RBM6: variants seen among roughly 807,000 people sequenced by gnomAD.
RBM6 encodes RNA-binding protein 6.
RBM6 carries 23 observed loss-of-function variants against 140.4 expected under a neutral mutation model. That is an observed-to-expected ratio of 0.16 (90% CI 0.12 to 0.23). The LOEUF is 0.23. Among genes scored for constraint, RBM6 ranks in the 10% least tolerant of loss-of-function variants. The pLI, the probability that RBM6 is intolerant of heterozygous loss-of-function variation, is 1.00. For missense variants in RBM6, 1,139 were observed against 1,386.7 expected, an observed-to-expected ratio of 0.82 and a Z score of 2.84; for synonymous variants, 439 against 475.6, an observed-to-expected ratio of 0.92 and a Z score of 1.00.
chr3:49,982,848 G>A (rs1269729736), intron 5 of RBM6, among the ~76,000 whole-genome samples: 3 of 150,950 alleles, frequency 2.0e-5, no homozygotes, highest in Non-Finnish European at 4.4e-5. Flanking sequence ...CTAGTAGCTG[G>A]GATTACAGGC....
intron 1 of RBM6, among the ~76,000 whole-genome samples, chr3:49,950,473 A>G (rs965807335): frequency 1.3e-5 from 2 of 152,106 alleles, no homozygotes; most frequent in East Asian, 1.9e-4. Flanking sequence ...GTGAAAGGCA[A>G]GGCCAGGCGT....
chr3:50,044,785 A>G (rs892567778), intron 6 of RBM6, among the ~76,000 whole-genome samples: 2 of 152,176 alleles, frequency 1.3e-5, no homozygotes, highest in African/African-American at 4.8e-5. Context: ...TGTGTATGAT[A>G]GCAGCTGGGG....
chr3:50,019,045 T>A (rs75729494), intron 6 of RBM6, among the ~76,000 whole-genome samples: 12,413 of 151,882 alleles, frequency 0.082, 560 homozygotes, highest in African/African-American at 0.11. Flanking sequence ...TTATTTATTT[T>A]TTTTTTTTGA....
intron 2 of RBM6, among the ~76,000 whole-genome samples, chr3:49,965,328 G>T (rs1186288864): frequency 6.6e-6 from 1 of 152,208 alleles, no homozygotes; most frequent in Non-Finnish European, 1.5e-5. Flanking sequence ...GAGAGACACT[G>T]TATTTAGTGG....
At chr3:50,016,066 T>A (rs2087127904) in intron 6 of RBM6, among the ~76,000 whole-genome samples, 1 of 152,230 alleles carries the variant, frequency 6.6e-6, no homozygotes, top group Admixed American at 6.5e-5. Context: ...TTATACTCTT[T>A]GACTAACATT....
chr3:50,006,281 A>G (rs2108754042), intron 6 of RBM6, among the ~76,000 whole-genome samples: 1 of 151,750 alleles, frequency 6.6e-6, no homozygotes, highest in African/African-American at 2.4e-5. Context: ...GATTACAAGC[A>G]TGTGCCACCA....
chr3:49,989,903 C>T (rs371407106), intron 5 of RBM6, among the ~76,000 whole-genome samples: 3 of 152,050 alleles, frequency 2.0e-5, no homozygotes, highest in Admixed American at 6.6e-5. Context: ...CCCACCACCA[C>T]GCCTGGCTGA....
intron 1 of RBM6, among the ~76,000 whole-genome samples, chr3:49,957,911 A>G (rs1255921309): frequency 1.3e-5 from 2 of 149,592 alleles, no homozygotes; most frequent in African/African-American, 2.5e-5. Flanking sequence ...AGCTGACTGT[A>G]ACCTCTGCCT....
chr3:49,955,516 G>A (rs1286999716), intron 1 of RBM6, among the ~76,000 whole-genome samples: 1 of 151,858 alleles, frequency 6.6e-6, no homozygotes, highest in Non-Finnish European at 1.5e-5. Context: ...TCCTGCCTTA[G>A]ACTCCCGAGT....
intron 1 of RBM6, among the ~76,000 whole-genome samples, chr3:49,958,333 A>G (rs1337408721): frequency 1.3e-5 from 2 of 152,140 alleles, no homozygotes; most frequent in Non-Finnish European, 2.9e-5. Context: ...AGGTGGGTGG[A>G]TCACGAGGTC....
intron 6 of RBM6, among the ~76,000 whole-genome samples, chr3:50,036,662 C>T (rs2088555911): frequency 6.6e-6 from 1 of 152,158 alleles, no homozygotes; most frequent in Non-Finnish European, 1.5e-5. Context: ...TCATTTTTAT[C>T]AAGGGCTGAA....
In RBM6 at chr3:50,060,753, CAAAAAAAAAAA is replaced by C. The variant is rs35467618; in HGVS notation, c.2229-190_2229-180del. 20 of 124,870 alleles carry C rather than the reference CAAAAAAAAAAA, an allele frequency of 1.6e-4. No homozygotes were observed. In the South Asian group the frequency reaches 1.7e-3, roughly 11 times the overall value. 7.7% of individuals were successfully genotyped at this position (124,870 alleles called of 1,614,324 possible). On this transcript the variant is annotated intron_variant, in intron 11 of 20. Transcript: ENST00000266022. ...TGGGCGACAGAGCAAGACTCCGTCT[CAAAAAAAAAAA>C]AAAAAAAAAAAAGAGTCTTACTGCT...
intron 1 of RBM6, among the ~76,000 whole-genome samples, chr3:49,954,641 A>G (rs921258652): frequency 1.3e-5 from 2 of 151,894 alleles, no homozygotes; most frequent in African/African-American, 4.8e-5. Context: ...TCAGTGCCAC[A>G]CTGTCTTGAT....
intron 6 of RBM6, among the ~76,000 whole-genome samples, chr3:50,035,783 C>CA (rs966938621): frequency 1.3e-4 from 19 of 151,332 alleles, no homozygotes; most frequent in Non-Finnish European, 2.5e-4. Flanking sequence ...TTTTTTGAGA[C>CA]AGAGTCTCAC....
At position 49,956,654 on chromosome 3, in the gene RBM6, A is replaced by AT. The variant is rs534876651; in HGVS notation, c.-66-5916dup. 8.3e-3 allele frequency among the ~76,000 whole-genome samples: 1,071 copies of AT among 128,844 alleles called. 15 individuals carry two copies. Among genetic ancestry groups the AT allele is most frequent in the African/African-American group, 0.03 (1,021 of 34,492 alleles). 84.5% of individuals were successfully genotyped at this position (128,844 alleles called of 152,430 possible). A position where few individuals can be genotyped will look rare whatever the true frequency, so the allele number is the denominator to read the frequency against. On this transcript the variant is annotated intron_variant, in intron 1 of 20. Transcript: ENST00000266022. ...GCCCACGCTTTATTTTTTTATTTTT[A>AT]TTTTTTATTATTTATTTATTTATTT... is the stretch of plus-strand genomic sequence containing the variant.
intron 6 of RBM6, among the ~76,000 whole-genome samples, chr3:50,003,410 C>A (rs1575661216): frequency 6.6e-6 from 1 of 151,678 alleles, no homozygotes; most frequent in Non-Finnish European, 1.5e-5. Context: ...ATCTGCTTGG[C>A]AACTCTTAGT....
At chr3:49,983,923 G>C (rs1382379223) in intron 5 of RBM6, among the ~76,000 whole-genome samples, 1 of 152,176 alleles carries the variant, frequency 6.6e-6, no homozygotes. Flanking sequence ...GGTGATCCTG[G>C]TGAGAGAGGT....
intron 1 of RBM6, among the ~76,000 whole-genome samples, chr3:49,941,319 C>G (rs2083271591): frequency 6.6e-6 from 1 of 152,124 alleles, no homozygotes; most frequent in South Asian, 2.1e-4. Flanking sequence ...ACCTGCAGGA[C>G]AGGTCCCAGG....
chr3:49,972,811 A>G (rs2084862057), intron 4 of RBM6, among the ~76,000 whole-genome samples: 1 of 152,200 alleles, frequency 6.6e-6, no homozygotes. Context: ...GAAGAAAACT[A>G]AAGTACAGGC....
Sources: allele counts gnomAD v4.1 joint callset (sites outside exome capture counted in the v4.1 genomes callset), GRCh38; gene constraint gnomAD v4.1.1; transcripts MANE v1.5; gene names NCBI Gene and HGNC (gene_info 2026-07-23, HGNC 2026-07-21).